The following KLRD1 variants were observed in gnomAD, a reference collection of about 807,000 sequenced individuals.
KLRD1 encodes natural killer cells antigen CD94.
Under a neutral mutation model 22.6 loss-of-function variants are expected in KLRD1, and 21 were observed. The observed-to-expected ratio is 0.93, with a 90% CI of 0.66 to 1.34. KLRD1 has a LOEUF of 1.34. Among genes scored for constraint, KLRD1 ranks in the 40% most tolerant of loss-of-function variants. The probability of loss-of-function intolerance (pLI) is 0.00; values close to 1 mark genes in which losing one functional copy is unlikely to be tolerated. For synonymous variants in KLRD1, 59 were observed against 71.1 expected, an observed-to-expected ratio of 0.83 and a Z score of 0.85; for missense variants, 183 against 208.6, an observed-to-expected ratio of 0.88 and a Z score of 0.76.
intron 1 of KLRD1, among the ~76,000 whole-genome samples, chr12:10,244,985 T>C (rs963959769): frequency 6.6e-6 from 1 of 152,172 alleles, no homozygotes; most frequent in African/African-American, 2.4e-5. Context: ...GCTCAAATAA[T>C]TATTGTCATA....
chr12:10,252,517 AAC>A (rs1206434812), intron 1 of KLRD1, among the ~76,000 whole-genome samples: 1 of 151,986 alleles, frequency 6.6e-6, no homozygotes, highest in Non-Finnish European at 1.5e-5. Context: ...AAAACAAACA[AAC>A]AAACAAACCC....
rs1163229409 is a variant in KLRD1, at chr12:10,314,765, G to A, written c.512G>A (p.Arg171His). ...ALDESCEDKN[R>H]YICKQQLI ...GATGAATCCTGTGAAGATAAAAATC[G>A]TTATATCTGTAAGCAACAGCTCATT... The change falls in exon 6 of 6, where the codon CGT becomes CAT. Residue 171 changes from arginine (R) to histidine (H), a missense_variant. Coordinates refer to ENST00000336164, the MANE Select transcript of KLRD1 (RefSeq NM_002262.5). The A allele has an allele frequency of 7.5e-6, 12 of 1,605,630 alleles. No individual in the cohort carries two copies. Among genetic ancestry groups the A allele is most frequent in the African/African-American group, 2.7e-5 (2 of 74,650 alleles).
intron 1 of KLRD1, among the ~76,000 whole-genome samples, chr12:10,239,539 C>CTT (rs1288539374): frequency 9.1e-6 from 1 of 110,446 alleles, no homozygotes; most frequent in Admixed American, 8.6e-5. Context: ...TTCTTTCTTT[C>CTT]TTTCTTTCTT....
At position 10,317,874 on chromosome 12, in the gene KLRD1, C is replaced by T. The variant is rs1950264631; in HGVS notation, c.*3081C>T. ...GACAGAAGGGAAAGCAAACACATCCCTCTACGCATGGCAGCAGAAAGGAGA... is the reference window on the plus strand; with the variant it reads ...GACAGAAGGGAAAGCAAACACATCCTTCTACGCATGGCAGCAGAAAGGAGA... On this transcript the variant is annotated 3_prime_UTR_variant, in exon 6 of 6. Transcript: ENST00000336164. 6.6e-6 allele frequency: 1 copy of T among 152,212 alleles called. No homozygotes were observed. The highest frequency in any genetic ancestry group is 1.5e-5 in the Non-Finnish European group (1 of 68,050). The allele number at this position is 152,212 out of a possible 1,614,324, so 9.4% of individuals were successfully genotyped here. A position where few individuals can be genotyped will look rare whatever the true frequency, so the allele number is the denominator to read the frequency against.
In KLRD1 at chr12:10,323,066, ATTG is replaced by A. The variant is rs1376945340; in HGVS notation, c.*8276_*8278del. The A allele has an allele frequency of 2.0e-5, 3 of 152,206 alleles. No homozygotes were observed. Among genetic ancestry groups the A allele is most frequent in the Non-Finnish European group, 4.4e-5 (3 of 68,038 alleles). The allele number at this position is 152,206 out of a possible 1,614,324, so 9.4% of individuals were successfully genotyped here. A position where few individuals can be genotyped will look rare whatever the true frequency, so the allele number is the denominator to read the frequency against. ...TCACAATTTGCTTATTTATTCTAAT[ATTG>A]TTCAACATTTGAGTCATTTCCACTT... On this transcript the variant is annotated 3_prime_UTR_variant, in exon 6 of 6. Transcript: ENST00000336164.
chr12:10,304,000 G>A (rs538583981), upstream of KLRD1, among the ~76,000 whole-genome samples: 1 of 152,290 alleles, frequency 6.6e-6, no homozygotes, highest in African/African-American at 2.4e-5. Flanking sequence ...GTAATTGTAT[G>A]TATATTTCTC....
chr12:10,296,376 C>T (rs1949821475), intron 1 of KLRD1, among the ~76,000 whole-genome samples: 1 of 151,990 alleles, frequency 6.6e-6, no homozygotes, highest in African/African-American at 2.4e-5. Context: ...ATTAGCCGGG[C>T]GTGGTGGCGG....
In KLRD1 at chr12:10,328,382, T is replaced by C. The variant is rs1950380116; in HGVS notation, c.*13589T>C. On this transcript the variant is annotated 3_prime_UTR_variant, in exon 6 of 6. Transcript: ENST00000336164. ...TTTCTATTTCTTCATAATTCAGTCT[T>C]GGTAGGTCCTTGTCTTTGTGAATTT... 1 of 152,144 alleles carries C rather than the reference T, an allele frequency of 6.6e-6. No individual in the cohort carries two copies. Among genetic ancestry groups the C allele is most frequent in the Non-Finnish European group, 1.5e-5 (1 of 68,010 alleles). The allele number at this position is 152,144 out of a possible 1,614,324, so 9.4% of individuals were successfully genotyped here.
chr12:10,302,397 A>G (rs981900802), upstream of KLRD1, among the ~76,000 whole-genome samples: 1 of 152,200 alleles, frequency 6.6e-6, no homozygotes, highest in African/African-American at 2.4e-5. Flanking sequence ...AGTGGCAGGT[A>G]AGTGTCACCC....
chr12:10,273,498 A>C (rs1402283791), intron 1 of KLRD1, among the ~76,000 whole-genome samples: 1 of 152,216 alleles, frequency 6.6e-6, no homozygotes, highest in African/African-American at 2.4e-5. Flanking sequence ...AAAGGACTAA[A>C]GTGTGCATAT....
At position 10,311,483 on chromosome 12, in the gene KLRD1, C is replaced by A; in HGVS notation, c.183C>A (p.Cys61Ter). 2 of 1,613,780 alleles carry A rather than the reference C, an allele frequency of 1.2e-6. No homozygotes were observed. The highest frequency in any genetic ancestry group is 1.7e-6 in the Non-Finnish European group (2 of 1,179,744). ...ELQKDSDCCS[C>*]QEKWVGYRCN... ...TGTCAGACTCTGACTGCTGTTCTTG[C>A]CAAGAAAAATGGGTTGGGTACCGGT... Residue 61 changes from cysteine (C) to a stop codon, truncating the protein, a stop_gained, in exon 4 of 6, where the codon TGC (cysteine) becomes TGA (stop). Coordinates refer to ENST00000336164, the MANE Select transcript of KLRD1 (RefSeq NM_002262.5). LOFTEE classifies it high-confidence loss of function.
intron 1 of KLRD1, 44 bp from the exon 2 acceptor site, chr12:10,309,344 G>C: frequency 1.2e-6 from 1 of 858,896 alleles, no homozygotes; most frequent in Non-Finnish European, 2.0e-6. Context: ...CTCAGCTCCT[G>C]AGTTTGCTCT....
intron 4 of KLRD1, among the ~76,000 whole-genome samples, chr12:10,311,984 G>A (rs1230741779): frequency 6.7e-6 from 1 of 150,182 alleles, no homozygotes; most frequent in Non-Finnish European, 1.5e-5. Context: ...TATAGTTTTT[G>A]TCATCTTTCT....
At position 10,322,397 on chromosome 12, in the gene KLRD1, C is replaced by G. The variant is rs906585695; in HGVS notation, c.*7604C>G. 6.6e-6 allele frequency: 1 copy of G among 152,172 alleles called. No homozygotes were observed. Among genetic ancestry groups the G allele is most frequent in the African/African-American group, 2.4e-5 (1 of 41,450 alleles). 9.4% of individuals were successfully genotyped at this position (152,172 alleles called of 1,614,324 possible). On this transcript the variant is annotated 3_prime_UTR_variant, in exon 6 of 6. Transcript: ENST00000336164. ...TAGTAAGCTAGGATTATATTTCCTT[C>G]TTTGAGGTTCTATTGTTATAACCCT...
In KLRD1 at chr12:10,320,583, T is replaced by C. The variant is rs1242358033; in HGVS notation, c.*5790T>C. On this transcript the variant is annotated 3_prime_UTR_variant, in exon 6 of 6. Coordinates refer to ENST00000336164, the MANE Select transcript of KLRD1 (RefSeq NM_002262.5). ...ACAATGCTATAGAACACACATAAGC[T>C]AATGGAAGGGCTGTTGAGCAAAAGA... 2 of 152,210 alleles carry C rather than the reference T, an allele frequency of 1.3e-5. No individual in the cohort carries two copies. Among genetic ancestry groups the C allele is most frequent in the Non-Finnish European group, 2.9e-5 (2 of 68,034 alleles). 9.4% of individuals were successfully genotyped at this position (152,210 alleles called of 1,614,324 possible).
upstream of KLRD1, among the ~76,000 whole-genome samples, chr12:10,304,907 CCT>C (rs1335402305): frequency 6.6e-6 from 1 of 151,998 alleles, no homozygotes; most frequent in South Asian, 2.1e-4. Flanking sequence ...CTCAGGGAGC[CCT>C]CTCTCTCTGT....
intron 1 of KLRD1, among the ~76,000 whole-genome samples, chr12:10,260,452 G>A (rs1260806912): frequency 6.6e-6 from 1 of 151,808 alleles, no homozygotes; most frequent in Non-Finnish European, 1.5e-5. Context: ...TATCAGTTGT[G>A]GAAAATTCAG....
rs1555113908 is a variant in KLRD1 at position 10,324,818 on chromosome 12, G to GTATGTATATATATATATATATATA, written c.*10028_*10029insGTATATATATATATATATATATAT. ...AGTATATATGTATATGTGTGTGTGTGTATATATATATATATATATATATAT... is the reference window on the plus strand; with the variant it reads ...AGTATATATGTATATGTGTGTGTGTGTATGTATATATATATATATATATATATATATATATATATATATATATAT... On this transcript the variant is annotated 3_prime_UTR_variant, in exon 6 of 6. Coordinates refer to ENST00000336164, the MANE Select transcript of KLRD1 (RefSeq NM_002262.5). 1 of 74,144 alleles carries GTATGTATATATATATATATATATA rather than the reference G, an allele frequency of 1.3e-5. No individual in the cohort carries two copies. The highest frequency in any genetic ancestry group is 4.2e-5 in the African/African-American group (1 of 23,544). 4.6% of individuals were successfully genotyped at this position (74,144 alleles called of 1,614,324 possible). A position where few individuals can be genotyped will look rare whatever the true frequency, so the allele number is the denominator to read the frequency against.
chr12:10,269,172 A>G (rs754510470), intron 1 of KLRD1, among the ~76,000 whole-genome samples: 6 of 151,522 alleles, frequency 4.0e-5, no homozygotes, highest in Non-Finnish European at 5.9e-5. Flanking sequence ...TGTTTTTGAG[A>G]TGGAGTCTCA....
Sources: allele counts gnomAD v4.1 joint callset (sites outside exome capture counted in the v4.1 genomes callset), GRCh38; gene constraint gnomAD v4.1.1; transcripts MANE v1.5; gene names NCBI Gene and HGNC (gene_info 2026-07-23, HGNC 2026-07-21).